The following FHIT variants were observed in gnomAD, a reference collection of about 807,000 sequenced individuals.
FHIT encodes the protein fragile histidine triad diadenosine triphosphatase, also known as bis(5'-adenosyl)-triphosphatase.
FHIT carries 19 observed loss-of-function variants against 17.9 expected under a neutral mutation model. That is an observed-to-expected ratio of 1.06 (90% CI 0.74 to 1.56). The LOEUF (loss-of-function observed/expected upper bound fraction) is 1.56. Ranked by LOEUF, FHIT falls within the 40% of genes most tolerant of loss-of-function variation. The pLI is 0.00. For missense variants in FHIT, 248 were observed against 189.2 expected (o/e 1.31, Z -1.82); for synonymous variants, 81 against 69.7 (o/e 1.16, Z -0.81).
intron 5 of FHIT, among the ~76,000 whole-genome samples, chr3:60,234,742 A>G (rs1704680110): frequency 6.6e-6 from 1 of 152,186 alleles, no homozygotes; most frequent in South Asian, 2.1e-4. Context: ...TCTTAATCTC[A>G]AAGATCCAAA....
chr3:60,488,248 G>A (rs1037062187), intron 5 of FHIT, among the ~76,000 whole-genome samples: 2 of 152,266 alleles, frequency 1.3e-5, no homozygotes, highest in South Asian at 2.1e-4. Context: ...TCGGTCCATC[G>A]ACATATTTAC....
intron 4 of FHIT, among the ~76,000 whole-genome samples, chr3:60,600,725 G>A (rs1276249620): frequency 6.6e-6 from 1 of 152,148 alleles, no homozygotes; most frequent in Non-Finnish European, 1.5e-5. Flanking sequence ...TGACAGAAGG[G>A]GAGTGATGAG....
chr3:59,840,366 G>A (rs1412448444), intron 8 of FHIT, among the ~76,000 whole-genome samples: 5 of 147,802 alleles, frequency 3.4e-5, no homozygotes, highest in Admixed American at 6.9e-5. Flanking sequence ...ACAGGAAGGT[G>A]CATCATGTCA....
chr3:59,752,882 T>A (rs531373695), intron 8 of FHIT, among the ~76,000 whole-genome samples: 18 of 152,238 alleles, frequency 1.2e-4, no homozygotes, highest in African/African-American at 4.1e-4. Context: ...CCTTATAAAT[T>A]ACCCAGCCCC....
intron 5 of FHIT, among the ~76,000 whole-genome samples, chr3:60,364,638 T>C (rs1285177285): frequency 6.6e-6 from 1 of 152,242 alleles, no homozygotes; most frequent in Non-Finnish European, 1.5e-5. Context: ...GTTCATTCTA[T>C]GTGCCAATTT....
intron 5 of FHIT, among the ~76,000 whole-genome samples, chr3:60,289,120 TTAAAA>T (rs1408753660): frequency 1.3e-5 from 2 of 152,182 alleles, no homozygotes; most frequent in Non-Finnish European, 2.9e-5. Context: ...TTAATTTACT[TTAAAA>T]GAAAGAGGAG....
rs577185898 is a variant in FHIT, at chr3:60,976,492, C to A, written c.-111+65555G>T. On this transcript the variant is annotated intron_variant, in intron 3 of 9. Transcript: ENST00000492590. ...CGACACTATCTTTAAAACAAACAAA[C>A]GAAAAACCATGTCTCTATAAAAAGG... Among the ~76,000 whole-genome samples the A allele has an allele frequency of 1.3e-4, 19 of 152,000 alleles. 1 individual carries two copies. Among genetic ancestry groups the A allele is most frequent in the African/African-American group, 4.3e-4 (18 of 41,394 alleles).
chr3:60,047,722 A>G (rs1027497876), intron 5 of FHIT, among the ~76,000 whole-genome samples: 2 of 152,134 alleles, frequency 1.3e-5, no homozygotes, highest in East Asian at 1.9e-4. Context: ...CATCTCCCCA[A>G]TAACTCTACG....
chr3:60,521,133 C>T (rs978425982), intron 5 of FHIT, among the ~76,000 whole-genome samples: 5 of 151,774 alleles, frequency 3.3e-5, no homozygotes, highest in Admixed American at 3.3e-4. Flanking sequence ...TTTTAAATTC[C>T]ATTTAAGCTT....
intron 2 of FHIT, among the ~76,000 whole-genome samples, chr3:61,138,109 G>A (rs779622796): frequency 2.6e-5 from 3 of 116,264 alleles, no homozygotes; most frequent in Non-Finnish European, 5.6e-5. Flanking sequence ...CCACCTCATA[G>A]GAGTATTACA....
At chr3:60,108,349 A>G (rs571398058) in intron 5 of FHIT, among the ~76,000 whole-genome samples, 2 of 152,330 alleles carry the variant, frequency 1.3e-5, no homozygotes, top group African/African-American at 4.8e-5. Context: ...AGCTAGCTCA[A>G]AAGTTGGTTC....
At chr3:60,371,671 A>C (rs1700335247) in intron 5 of FHIT, among the ~76,000 whole-genome samples, 1 of 152,208 alleles carries the variant, frequency 6.6e-6, no homozygotes, top group African/African-American at 2.4e-5. Context: ...AATATAATAA[A>C]ACTGCAAATC....
chr3:60,173,915 A>ATTTTTTT lies in FHIT; in HGVS notation c.104-159764_104-159763insAAAAAAA. Among the ~76,000 whole-genome samples the ATTTTTTT allele has an allele frequency of 1.5e-4, 10 of 66,442 alleles. 1 individual carries two copies. Among genetic ancestry groups the ATTTTTTT allele is most frequent in the East Asian group, 1.6e-3 (2 of 1,264 alleles). 43.6% of individuals were successfully genotyped at this position (66,442 alleles called of 152,430 possible). The stretch of plus-strand genomic sequence containing the variant: ...TATATATATATATATATATATATAT[A>ATTTTTTT]TGTTTTTTTTTTTTTTTGAGATCGA... On this transcript the variant is annotated intron_variant, in intron 5 of 9. Transcript: ENST00000492590.
intron 4 of FHIT, among the ~76,000 whole-genome samples, chr3:60,594,793 T>C (rs2038205623): frequency 6.6e-6 from 1 of 152,056 alleles, no homozygotes; most frequent in South Asian, 2.1e-4. Context: ...CTGGGGGCCT[T>C]CTATCCTGCC....
intron 4 of FHIT, among the ~76,000 whole-genome samples, chr3:60,656,030 A>G (rs17063746): frequency 0.24 from 36,390 of 152,118 alleles, 5,282 homozygotes; most frequent in East Asian, 0.75. Context: ...TCTGAGTTCA[A>G]TTACAATCCC....
chr3:59,793,899 G>A (rs1349253923), intron 8 of FHIT, among the ~76,000 whole-genome samples: 1 of 152,124 alleles, frequency 6.6e-6, no homozygotes. Context: ...GCTTAGCAAT[G>A]CCTTTAGCTA....
intron 5 of FHIT, among the ~76,000 whole-genome samples, chr3:60,525,805 C>T (rs2035551515): frequency 6.6e-6 from 1 of 152,154 alleles, no homozygotes; most frequent in South Asian, 2.1e-4. Context: ...TATCAGGTTG[C>T]CTGTCAACAG....
At chr3:60,125,356 G>T (rs1040223617) in intron 5 of FHIT, among the ~76,000 whole-genome samples, 11 of 152,184 alleles carry the variant, frequency 7.2e-5, no homozygotes, top group African/African-American at 2.4e-4. Flanking sequence ...TGTAGGCCAG[G>T]CGTAGTGGCT....
intron 5 of FHIT, among the ~76,000 whole-genome samples, chr3:60,515,463 AAG>A (rs75388377): frequency 0.17 from 26,060 of 152,054 alleles, 2,246 homozygotes; most frequent in Admixed American, 0.21. Context: ...AATGCATTTC[AAG>A]AGTAGCCTCA....
Sources: gnomAD v4.1 joint callset for allele counts (sites outside exome capture counted in the v4.1 genomes callset) on GRCh38, gnomAD v4.1.1 for gene constraint, MANE v1.5 for transcripts, NCBI Gene and HGNC (gene_info 2026-07-23, HGNC 2026-07-21) for gene names.